Variants in AGMO observed in about 807,000 individuals in gnomAD.
AGMO encodes the protein glyceryl-ether monooxygenase.
Under a neutral mutation model 60.2 loss-of-function variants are expected in AGMO, and 75 were observed. The ratio of observed to expected loss-of-function variants is 1.25; its 90% confidence interval spans 1.03 to 1.51. The LOEUF is 1.51. AGMO is among the 40% of genes most tolerant of loss of function. The pLI is 0.00. For missense variants in AGMO, 763 were observed against 525.5 expected (o/e 1.45, Z -4.42); for synonymous variants, 261 against 177.1 (o/e 1.47, Z -3.76).
At chr7:15,334,037 G>T (rs1781576577) in intron 12 of AGMO, among the ~76,000 whole-genome samples, 1 of 152,070 alleles carries the variant, frequency 6.6e-6, no homozygotes, top group Non-Finnish European at 1.5e-5. Flanking sequence ...AATACCAAGG[G>T]AGGTTCCTGA....
intron 12 of AGMO, among the ~76,000 whole-genome samples, chr7:15,305,240 TAA>T (rs11351669): frequency 3.4e-4 from 40 of 117,836 alleles, no homozygotes; most frequent in Middle Eastern, 4.2e-3. Context: ...GCAATCTGGT[TAA>T]AAAAAAAAAA....
chr7:15,150,245 G>A, the AGMO span, among the ~76,000 whole-genome samples: 2 of 152,074 alleles, frequency 1.3e-5, no homozygotes, highest in Non-Finnish European at 2.9e-5. Context: ...CATATCATCT[G>A]TGAAGAGAGA....
At chr7:15,393,202 G>T (rs972874869) in intron 6 of AGMO, among the ~76,000 whole-genome samples, 1 of 152,198 alleles carries the variant, frequency 6.6e-6, no homozygotes, top group Non-Finnish European at 1.5e-5. Flanking sequence ...TCCCCTTCTG[G>T]GGAGTCCCCT....
chr7:15,226,527 C>T (rs1353355813), intron 12 of AGMO, among the ~76,000 whole-genome samples: 1 of 152,012 alleles, frequency 6.6e-6, no homozygotes, highest in Non-Finnish European at 1.5e-5. Flanking sequence ...TTTTCCAGTC[C>T]ATGACTAAGC....
chr7:15,371,676 G>C (rs148919657), intron 10 of AGMO, among the ~76,000 whole-genome samples: 164 of 152,042 alleles, frequency 1.1e-3, no homozygotes, highest in African/African-American at 3.9e-3. Context: ...GGGATTATAG[G>C]CGTGAGCCAC....
intron 3 of AGMO, among the ~76,000 whole-genome samples, chr7:15,457,795 C>T (rs1488658956): frequency 1.3e-5 from 2 of 152,084 alleles, no homozygotes; most frequent in Non-Finnish European, 2.9e-5. Flanking sequence ...TACCTTACAC[C>T]TACCATGAGA....
Position 15,480,238 on chromosome 7 carries a change from A to T in AGMO, c.410-49130T>A, listed in dbSNP as rs112240513. Among the ~76,000 whole-genome samples, 452 of 152,264 alleles carry T rather than the reference A, an allele frequency of 3.0e-3. 1 individual carries two copies. The highest frequency in any genetic ancestry group is 9.8e-3 in the African/African-American group (409 of 41,550). On this transcript the variant is annotated intron_variant, in intron 3 of 12. Transcript: ENST00000342526. ...TAAGGATTATCTAGATGGAGTAAAG[A>T]AGCTTCAGTTACGTGGAAGAAACTT...
At chr7:15,279,716 T>C (rs538974075) in intron 12 of AGMO, among the ~76,000 whole-genome samples, 22 of 152,292 alleles carry the variant, frequency 1.4e-4, no homozygotes, top group African/African-American at 4.8e-4. Flanking sequence ...CCATGAGCCA[T>C]GCAGAAAACT....
At chr7:15,354,641 A>G (rs1332370901) in intron 12 of AGMO, among the ~76,000 whole-genome samples, 1 of 146,764 alleles carries the variant, frequency 6.8e-6, no homozygotes. Context: ...AAAAATATTC[A>G]TAAGGGTGGT....
the AGMO span, among the ~76,000 whole-genome samples, chr7:15,194,377 A>T: frequency 1.7e-4 from 20 of 116,736 alleles, no homozygotes; most frequent in Non-Finnish European, 3.2e-4. Context: ...AGTAAAATTA[A>T]AAAAAAAGAA....
At chr7:15,545,424 G>T (rs921162664) in intron 2 of AGMO, among the ~76,000 whole-genome samples, 3 of 151,830 alleles carry the variant, frequency 2.0e-5, no homozygotes, top group Non-Finnish European at 4.4e-5. Flanking sequence ...GGTTAAAGTT[G>T]CTTCTGTCTA....
intron 10 of AGMO, among the ~76,000 whole-genome samples, chr7:15,384,244 A>C (rs1783821638): frequency 6.6e-6 from 1 of 152,098 alleles, no homozygotes; most frequent in African/African-American, 2.4e-5. Flanking sequence ...GCCTCAATTT[A>C]GTCCATCTTT....
chr7:15,450,650 TAC>T (rs1259211012), intron 3 of AGMO, among the ~76,000 whole-genome samples: 4 of 151,964 alleles, frequency 2.6e-5, no homozygotes, highest in Non-Finnish European at 5.9e-5. Flanking sequence ...CAAACATACA[TAC>T]ACACACACAG....
intron 12 of AGMO, among the ~76,000 whole-genome samples, chr7:15,228,213 T>C (rs926343098): frequency 6.6e-6 from 1 of 152,124 alleles, no homozygotes; most frequent in South Asian, 2.1e-4. Context: ...AAGTCTACTT[T>C]GGTGGGCAAG....
At chr7:15,440,328 T>C (rs1781518946) in intron 3 of AGMO, among the ~76,000 whole-genome samples, 1 of 152,146 alleles carries the variant, frequency 6.6e-6, no homozygotes, top group Non-Finnish European at 1.5e-5. Flanking sequence ...CACTCAATCA[T>C]AGGAGAGTAT....
chr7:15,370,025 G>A (rs1007333664), intron 10 of AGMO, among the ~76,000 whole-genome samples: 6 of 152,194 alleles, frequency 3.9e-5, no homozygotes, highest in Admixed American at 3.9e-4. Flanking sequence ...AGTGAGCATT[G>A]TACCCAACAA....
chr7:15,337,823 G>T (rs1781711251), intron 12 of AGMO, among the ~76,000 whole-genome samples: 1 of 152,146 alleles, frequency 6.6e-6, no homozygotes, highest in Non-Finnish European at 1.5e-5. Context: ...TTTTAACCAG[G>T]GGCAGATATA....
At chr7:15,247,651 A>G (rs1782788789) in intron 12 of AGMO, among the ~76,000 whole-genome samples, 1 of 152,158 alleles carries the variant, frequency 6.6e-6, no homozygotes, top group South Asian at 2.1e-4. Context: ...AAATAACAAA[A>G]AAGAAAAGGA....
intron 10 of AGMO, among the ~76,000 whole-genome samples, chr7:15,382,728 C>T (rs1033645170): frequency 3.3e-5 from 5 of 151,982 alleles, no homozygotes; most frequent in African/African-American, 4.8e-5. Flanking sequence ...GAAACACTTG[C>T]CATATTCCGG....
Sources: allele counts gnomAD v4.1 joint callset (sites outside exome capture counted in the v4.1 genomes callset), GRCh38; gene constraint gnomAD v4.1.1; transcripts MANE v1.5; gene names NCBI Gene and HGNC (gene_info 2026-07-23, HGNC 2026-07-21).